Variants in ATAD2B observed in about 807,000 individuals in gnomAD.
The protein encoded by ATAD2B is ATPase family AAA domain containing 2B.
In ATAD2B, 40 loss-of-function variants were observed where a neutral mutation model predicts 167.6. The ratio of observed to expected loss-of-function variants is 0.24; its 90% CI spans 0.19 to 0.31. The LOEUF is 0.31. Ranked by LOEUF, ATAD2B falls within the 10% of genes least tolerant of loss-of-function variation. The pLI is 1.00. For synonymous variants in ATAD2B, 579 were observed against 596.5 expected (o/e 0.97, Z 0.43); for missense variants, 1,242 against 1,757.2 (o/e 0.71, Z 5.24).
rs550478560 is a variant in ATAD2B at position 23,797,507 on chromosome 2, G to C, written c.2640+631C>G. 2.0e-5 allele frequency among the ~76,000 whole-genome samples: 3 copies of C among 152,138 alleles called. No homozygotes were observed. In the South Asian group the frequency reaches 6.2e-4, roughly 32 times the overall value. ...ATCAAATGACCCCACAGATGATAAG[G>C]ATGAAAAGGATATAACTGATAGTGA... On this transcript the variant is annotated intron_variant, in intron 19 of 27. Coordinates refer to ENST00000238789, the MANE Select transcript of ATAD2B (RefSeq NM_017552.4).
In ATAD2B at chr2:23,867,846, T is replaced by A; in HGVS notation, c.1177A>T (p.Ile393Phe). The A allele has an allele frequency of 6.2e-7, 1 of 1,604,996 alleles. No individual in the cohort carries two copies. Among genetic ancestry groups the A allele is most frequent in the Non-Finnish European group, 8.5e-7 (1 of 1,174,974 alleles). The change falls in exon 10 of 28, where the codon ATT becomes TTT. Residue 393 changes from isoleucine to phenylalanine, a missense_variant. Physicochemically the swap from Ile to Phe is conservative, Grantham distance 21 (BLOSUM62 0). Transcript: ENST00000238789. ...ASLADVDPMNIDKSVRFDSIG... is the reference protein window; with the variant it reads ...ASLADVDPMNFDKSVRFDSIG... ...TTTACAAAACTTACTGATTTATCAA[T>A]GTTCATTGGATCAACATCAGCCAAG... is the stretch of plus-strand genomic sequence containing the variant.
chr2:23,754,920 C>A (rs1351464937), intron 25 of ATAD2B, 146 bp from the exon 26 acceptor site: 4 of 746,754 alleles, frequency 5.4e-6, no homozygotes, highest in Admixed American at 3.5e-5. Flanking sequence ...TTAAAGCAAC[C>A]CAATGTGGTA....
chr2:23,830,209 C>A (rs1688832449), intron 14 of ATAD2B, among the ~76,000 whole-genome samples: 1 of 152,132 alleles, frequency 6.6e-6, no homozygotes, highest in Non-Finnish European at 1.5e-5. Context: ...GTCTTGAACT[C>A]CCGACCTCAA....
chr2:23,696,241 G>C, the ATAD2B span: 2 of 1,485,392 alleles, frequency 1.3e-6, no homozygotes, highest in African/African-American at 1.4e-5. The surrounding 1 kb of genome is among the most constrained non-coding windows in gnomAD (Gnocchi z 5.5). Context: ...TACTTTGCAG[G>C]TGAAGCCTTC....
intron 7 of ATAD2B, 38 bp from the exon 8 acceptor site, chr2:23,875,942 T>C (rs890868500): frequency 1.5e-6 from 2 of 1,358,798 alleles, no homozygotes; most frequent in African/African-American, 2.9e-5. Flanking sequence ...AAATAACTAA[T>C]AAATTGATAA....
At chr2:23,842,444 CAG>C (rs1346246973) in intron 13 of ATAD2B, among the ~76,000 whole-genome samples, 1 of 152,068 alleles carries the variant, frequency 6.6e-6, no homozygotes, top group Non-Finnish European at 1.5e-5. Flanking sequence ...GGTGAGTAAA[CAG>C]AGACAGATGG....
chr2:23,728,492 A>AAGATAGGAG, the ATAD2B span, among the ~76,000 whole-genome samples: 358 of 152,340 alleles, frequency 2.4e-3, 1 homozygote, highest in African/African-American at 7.4e-3. Flanking sequence ...AAAAAAGTCA[A>AAGATAGGAG]CAAAGATAGG....
the ATAD2B span, chr2:23,691,544 G>A: frequency 1.5e-6 from 1 of 689,380 alleles, no homozygotes; most frequent in Non-Finnish European, 2.5e-6. Flanking sequence ...GTTCAGGTGT[G>A]TCATTGCCGT....
At chr2:23,715,879 T>G in the ATAD2B span, among the ~76,000 whole-genome samples, 1 of 152,238 alleles carries the variant, frequency 6.6e-6, no homozygotes, top group Non-Finnish European at 1.5e-5. Context: ...ACTACAGAGC[T>G]GACAGCTTAC....
At chr2:23,780,976 A>C (rs1679939871) in intron 22 of ATAD2B, among the ~76,000 whole-genome samples, 1 of 152,028 alleles carries the variant, frequency 6.6e-6, no homozygotes, top group Admixed American at 6.6e-5. Context: ...GAATGTTTTA[A>C]AAATAAGAAG....
chr2:23,879,754 C>A (rs1697574257), intron 7 of ATAD2B, among the ~76,000 whole-genome samples: 1 of 152,016 alleles, frequency 6.6e-6, no homozygotes, highest in South Asian at 2.1e-4. Context: ...CCTCTTGGAC[C>A]ATAAAGATAC....
At chr2:23,767,990 T>A (rs1399022668) in intron 22 of ATAD2B, among the ~76,000 whole-genome samples, 5 of 151,922 alleles carry the variant, frequency 3.3e-5, no homozygotes, top group Non-Finnish European at 4.4e-5. Context: ...GGCATTTCAG[T>A]TTGGAGATGC....
intron 22 of ATAD2B, among the ~76,000 whole-genome samples, chr2:23,780,564 T>C (rs1451581839): frequency 1.3e-5 from 2 of 152,102 alleles, no homozygotes; most frequent in African/African-American, 4.8e-5. Context: ...CATTTTACCA[T>C]ATGGCCTGGG....
At chr2:23,864,689 T>C in intron 11 of ATAD2B, 120 bp downstream of exon 11, 1 of 491,088 alleles carries the variant, frequency 2.0e-6, no homozygotes, top group Non-Finnish European at 3.5e-6. Context: ...TTTCTAACTG[T>C]CATTGCTAGG....
At chr2:23,697,195 A>T in the ATAD2B span, 1 of 152,336 alleles carries the variant, frequency 6.6e-6, no homozygotes, top group African/African-American at 2.4e-5. Context: ...GCCATTGTGG[A>T]GGGTCAGATA....
intron 14 of ATAD2B, among the ~76,000 whole-genome samples, chr2:23,833,381 T>C (rs547522288): frequency 3.8e-4 from 8 of 20,808 alleles, no homozygotes; most frequent in Non-Finnish European, 5.6e-4. Flanking sequence ...AAGTTTGAAG[T>C]TGAATTGGGA....
At chr2:23,807,968 A>AAATATATAAATATTTATAATATATATG (rs1684784668) in intron 18 of ATAD2B, among the ~76,000 whole-genome samples, 1 of 125,672 alleles carries the variant, frequency 8.0e-6, no homozygotes, top group African/African-American at 3.0e-5. Flanking sequence ...TAATATATAT[A>AAATATATAAATATTTATAATATATATG]TTATAAATAT....
At chr2:23,736,411 A>C in the ATAD2B span, among the ~76,000 whole-genome samples, 2 of 152,326 alleles carry the variant, frequency 1.3e-5, no homozygotes, top group South Asian at 2.1e-4. Context: ...TGTAATACTA[A>C]ACAGGAACCA....
rs190973989 is a variant in ATAD2B, at chr2:23,859,933, G to C, written c.1480-2430C>G. Reference sequence around the variant, plus strand: ...CCACTGCACTCCAGCCTGGGTGACAGAGCGAGACTCAGCCTCAAAAAAAAA... The same window carrying C: ...CCACTGCACTCCAGCCTGGGTGACACAGCGAGACTCAGCCTCAAAAAAAAA... On this transcript the variant is annotated intron_variant, in intron 12 of 27. Transcript: ENST00000238789. 3.3e-3 allele frequency among the ~76,000 whole-genome samples: 505 copies of C among 151,448 alleles called. 4 individuals are homozygous for C. The highest frequency in any genetic ancestry group is 5.2e-3 in the Non-Finnish European group (352 of 67,896).
Sources: allele counts gnomAD v4.1 joint callset (sites outside exome capture counted in the v4.1 genomes callset), GRCh38; gene constraint gnomAD v4.1.1; non-coding constraint Gnocchi (gnomAD v3.1); transcripts MANE v1.5; gene names NCBI Gene and HGNC (gene_info 2026-07-23, HGNC 2026-07-21).